The following TRMT9B variants were observed in gnomAD, a reference collection of about 807,000 sequenced individuals.
The protein encoded by TRMT9B is probable tRNA methyltransferase 9B.
A neutral mutation model predicts 11.5 loss-of-function variants in TRMT9B; 16 were observed. That is an observed-to-expected ratio of 1.39 (90% CI 0.94 to 2.11). The LOEUF is 2.11. Among genes scored for constraint, TRMT9B ranks in the 30% most tolerant of loss-of-function variants. TRMT9B has a pLI of 0.00. For missense variants in TRMT9B, 941 were observed against 553.8 expected (o/e 1.70, Z -7.02); for synonymous variants, 274 against 192.4 (o/e 1.42, Z -3.51).
intron 3 of TRMT9B, chr8:13,010,732 T>A (rs17123382): frequency 1.0e-6 from 1 of 984,338 alleles, no homozygotes; most frequent in African/African-American, 1.8e-5. Context: ...TCCTAAAGTA[T>A]CCCTCGAGCC....
At chr8:13,017,841 C>T (rs886118501) in intron 4 of TRMT9B, among the ~76,000 whole-genome samples, 12 of 151,346 alleles carry the variant, frequency 7.9e-5, no homozygotes, top group African/African-American at 2.7e-4. Context: ...CCAGGCTGGT[C>T]TTGAACCCCT....
At chr8:13,006,068 G>C (rs1052830077) in intron 2 of TRMT9B, 134 bp from the exon 3 acceptor site, 3 of 774,668 alleles carry the variant, frequency 3.9e-6, no homozygotes, top group Non-Finnish European at 6.1e-6. Flanking sequence ...GTTCTTTGCA[G>C]CTTATAAGAA....
At position 13,000,080 on chromosome 8, in the gene TRMT9B, C is replaced by T. The variant is rs1809133612; in HGVS notation, c.-1-6122C>T. Reference sequence around the variant, plus strand: ...CTTTTGGTGGGTGGGATTAGAATACCCATGATATCTCTCCATCAAGAGTTC... The same window carrying T: ...CTTTTGGTGGGTGGGATTAGAATACTCATGATATCTCTCCATCAAGAGTTC... On this transcript the variant is annotated intron_variant, in intron 2 of 4. Transcript: ENST00000524591. Among the ~76,000 whole-genome samples the T allele has an allele frequency of 2.0e-5, 3 of 152,042 alleles. No homozygotes were observed. The South Asian group carries it at 6.2e-4, about 32-fold the overall frequency.
At chr8:12,991,971 A>T (rs1041856501) in intron 2 of TRMT9B, among the ~76,000 whole-genome samples, 1 of 152,230 alleles carries the variant, frequency 6.6e-6, no homozygotes, top group Non-Finnish European at 1.5e-5. Context: ...GCAGCAAATC[A>T]GAAAACACAA....
intron 2 of TRMT9B, among the ~76,000 whole-genome samples, chr8:12,999,869 G>A (rs1809082651): frequency 6.6e-6 from 1 of 152,140 alleles, no homozygotes; most frequent in Non-Finnish European, 1.5e-5. Context: ...ATGCAAAACT[G>A]TCCGGTTTTC....
At chr8:13,011,445 T>C (rs1811596487) in intron 3 of TRMT9B, 2 of 985,292 alleles carry the variant, frequency 2.0e-6, no homozygotes, top group Admixed American at 6.2e-5. Flanking sequence ...CATCTTTGAA[T>C]AGTGGTAGAT....
rs1315183985 is a variant in TRMT9B at position 13,003,804 on chromosome 8, T to C, written c.-1-2398T>C. On this transcript the variant is annotated intron_variant, in intron 2 of 4. Transcript: ENST00000524591. Reference sequence around the variant, plus strand: ...GCCACCCTCCCCACAAGGACCAGAGTTAACACACAAAAAAAGCACCTACAT... The same window carrying C: ...GCCACCCTCCCCACAAGGACCAGAGCTAACACACAAAAAAAGCACCTACAT... Among the ~76,000 whole-genome samples the C allele has an allele frequency of 2.0e-5, 3 of 149,488 alleles. 1 individual carries two copies. The highest frequency in any genetic ancestry group is 4.4e-5 in the Non-Finnish European group (3 of 67,618).
rs765499522 is a variant in TRMT9B, at chr8:12,946,689, G to C, written c.-200+723G>C. Among the ~76,000 whole-genome samples the C allele has an allele frequency of 2.8e-4, 43 of 152,338 alleles. 1 individual carries two copies. The highest frequency in any genetic ancestry group is 5.3e-4 in the Non-Finnish European group (36 of 68,036). The stretch of plus-strand genomic sequence containing the variant: ...TCCTTGCAGTTAGAAAGGTGGATGA[G>C]GTTGTCTAGGGAGATTATATAGAGA... On this transcript the variant is annotated intron_variant, in intron 1 of 4. Transcript: ENST00000524591.
At chr8:13,015,277 T>C (rs1812423309) in intron 4 of TRMT9B, among the ~76,000 whole-genome samples, 1 of 151,976 alleles carries the variant, frequency 6.6e-6, no homozygotes, top group Non-Finnish European at 1.5e-5. Flanking sequence ...TCTTGTTACA[T>C]CTTGATATTT....
chr8:12,953,452 C>T (rs1379447538), intron 1 of TRMT9B, among the ~76,000 whole-genome samples: 5 of 152,080 alleles, frequency 3.3e-5, no homozygotes, highest in East Asian at 2.0e-4. Flanking sequence ...CGAGTTCAAC[C>T]GATTCTCCTG....
At chr8:12,955,105 C>G (rs1242310021) in intron 1 of TRMT9B, among the ~76,000 whole-genome samples, 2 of 152,146 alleles carry the variant, frequency 1.3e-5, no homozygotes, top group African/African-American at 2.4e-5. Context: ...CTAATAGACT[C>G]TAGAACTGAA....
chr8:13,010,420 A>G (rs1472302843), intron 3 of TRMT9B: 2 of 984,706 alleles, frequency 2.0e-6, no homozygotes, highest in East Asian at 2.3e-4. Context: ...TCTAAAGGAA[A>G]TGGTTTCTGT....
intron 1 of TRMT9B, among the ~76,000 whole-genome samples, chr8:12,957,204 A>T (rs947449683): frequency 2.6e-5 from 4 of 152,240 alleles, no homozygotes; most frequent in Non-Finnish European, 5.9e-5. Flanking sequence ...TTTAATAGCA[A>T]CAAAAAGGTA....
intron 1 of TRMT9B, among the ~76,000 whole-genome samples, chr8:12,976,258 A>G (rs1804428361): frequency 6.6e-6 from 1 of 152,188 alleles, no homozygotes; most frequent in African/African-American, 2.4e-5. Context: ...GATTTTCCAC[A>G]TGCAGCTTAA....
chr8:12,975,267 C>T (rs774332436), intron 1 of TRMT9B, among the ~76,000 whole-genome samples: 2 of 151,780 alleles, frequency 1.3e-5, no homozygotes, highest in African/African-American at 4.8e-5. Flanking sequence ...TGGTATAAGC[C>T]CATGGGAATC....
chr8:12,981,037 G>A (rs531924115), intron 1 of TRMT9B, among the ~76,000 whole-genome samples: 1 of 151,846 alleles, frequency 6.6e-6, no homozygotes, highest in East Asian at 1.9e-4. Context: ...AATCCACGAA[G>A]TCACTATGCG....
intron 4 of TRMT9B, among the ~76,000 whole-genome samples, chr8:13,015,509 G>A (rs987919566): frequency 2.0e-5 from 3 of 151,996 alleles, no homozygotes; most frequent in African/African-American, 7.2e-5. Context: ...ACATCACCAT[G>A]CCTGGCTAAT....
intron 4 of TRMT9B, among the ~76,000 whole-genome samples, chr8:13,019,313 A>G (rs1300268845): frequency 1.3e-5 from 2 of 152,192 alleles, no homozygotes; most frequent in African/African-American, 2.4e-5. Flanking sequence ...TATATTTGAG[A>G]CAGCGTCTCA....
intron 1 of TRMT9B, among the ~76,000 whole-genome samples, chr8:12,985,603 C>G (rs1238456922): frequency 6.6e-6 from 1 of 152,134 alleles, no homozygotes; most frequent in Admixed American, 6.5e-5. Context: ...TACGGACCAC[C>G]CATCTTTGTT....
Sources: gnomAD v4.1 joint callset for allele counts (sites outside exome capture counted in the v4.1 genomes callset) on GRCh38, gnomAD v4.1.1 for gene constraint, MANE v1.5 for transcripts, NCBI Gene and HGNC (gene_info 2026-07-23, HGNC 2026-07-21) for gene names.